The following FGD4 variants were observed in gnomAD, a reference collection of about 807,000 sequenced individuals.
FGD4 encodes FYVE, RhoGEF and PH domain containing 4, also known as FYVE, RhoGEF and PH domain-containing protein 4.
Under a neutral mutation model 102.0 loss-of-function variants are expected in FGD4, and 42 were observed. The ratio of observed to expected loss-of-function variants is 0.41; its 90% CI spans 0.32 to 0.53. The LOEUF is 0.53. Ranked by LOEUF, FGD4 falls within the 20% of genes least tolerant of loss-of-function variation. The pLI is 0.21. For missense variants in FGD4, 902 were observed against 1,078.2 expected (o/e 0.84, Z 2.29); for synonymous variants, 380 against 375.7 (o/e 1.01, Z -0.13).
chr12:32,501,981 C>T (rs1016173200), intron 1 of FGD4: 18 of 967,408 alleles, frequency 1.9e-5, no homozygotes, highest in Non-Finnish European at 2.2e-5. Context: ...CAAACACCTG[C>T]TAGGCAAGCC....
At chr12:32,490,950 G>A (rs758956212) in intron 1 of FGD4, among the ~76,000 whole-genome samples, 32 of 152,250 alleles carry the variant, frequency 2.1e-4, no homozygotes, top group South Asian at 1.7e-3. Flanking sequence ...TTCCACTGCA[G>A]TATCCGATAT....
At chr12:32,437,032 C>T (rs372429611) in intron 1 of FGD4, among the ~76,000 whole-genome samples, 2 of 150,624 alleles carry the variant, frequency 1.3e-5, no homozygotes, top group Admixed American at 6.7e-5. Context: ...TTGCTTGAAC[C>T]TGGGAGGTGA....
At chr12:32,453,199 A>T (rs1320417185) in intron 1 of FGD4, among the ~76,000 whole-genome samples, 7 of 61,152 alleles carry the variant, frequency 1.1e-4, no homozygotes, top group South Asian at 7.3e-4. Context: ...TTATATATAT[A>T]TTATATATAT....
chr12:32,601,051 A>G (rs1181038707), intron 5 of FGD4, among the ~76,000 whole-genome samples: 6 of 152,342 alleles, frequency 3.9e-5, no homozygotes, highest in Admixed American at 2.0e-4. Context: ...TAATATTCCT[A>G]TGGATAGGAG....
intron 1 of FGD4, among the ~76,000 whole-genome samples, chr12:32,488,338 G>C (rs1376108793): frequency 6.6e-6 from 1 of 152,116 alleles, no homozygotes; most frequent in African/African-American, 2.4e-5. Flanking sequence ...AAATTCTTAA[G>C]TGTGCCTTCT....
In FGD4 at chr12:32,506,593, T is replaced by G. The variant is rs1500875; in HGVS notation, c.167-57544T>G. ...ACGACCCGCACTTGCATACTTAATC[T>G]CCCTTTCTTCTGCTCCCTGCACCAA... On this transcript the variant is annotated intron_variant, in intron 1 of 16. Coordinates refer to ENST00000534526, the MANE Select transcript of FGD4 (RefSeq NM_001370298.3). The surrounding 1 kb of genome is among the most constrained non-coding windows in gnomAD (Gnocchi z 4.5). Among the ~76,000 whole-genome samples, 48,685 of 151,990 alleles carry G rather than the reference T, an allele frequency of 0.32. 8,159 individuals are homozygous for G. Among genetic ancestry groups the G allele is most frequent in the Middle Eastern group, 0.46 (134 of 294 alleles).
intron 1 of FGD4, among the ~76,000 whole-genome samples, chr12:32,435,399 G>A (rs1942194504): frequency 6.6e-6 from 1 of 151,934 alleles, no homozygotes; most frequent in African/African-American, 2.4e-5. Flanking sequence ...ATAATCAAAG[G>A]TCTCATTTCA....
At chr12:32,453,303 G>A (rs1942862390) in intron 1 of FGD4, among the ~76,000 whole-genome samples, 1 of 147,876 alleles carries the variant, frequency 6.8e-6, no homozygotes, top group Non-Finnish European at 1.5e-5. Context: ...GCACAGTCTT[G>A]GCTCACTGCA....
At chr12:32,638,925 A>G in intron 16 of FGD4, 130 bp downstream of exon 16, 2 of 1,521,574 alleles carry the variant, frequency 1.3e-6, no homozygotes, top group Non-Finnish European at 8.8e-7. Flanking sequence ...TTGAAAAATA[A>G]TGAGTAAAGT....
At chr12:32,479,041 TATTA>T (rs1943654845) in intron 1 of FGD4, among the ~76,000 whole-genome samples, 1 of 152,272 alleles carries the variant, frequency 6.6e-6, no homozygotes, top group Admixed American at 6.5e-5. Context: ...GCTAGATACT[TATTA>T]ATCTGTCAAG....
chr12:32,422,637 T>C (rs1228767742), intron 1 of FGD4, among the ~76,000 whole-genome samples: 2 of 152,132 alleles, frequency 1.3e-5, no homozygotes, highest in Non-Finnish European at 2.9e-5. Flanking sequence ...TTTTAAAATG[T>C]AGTTGCACAG....
intron 1 of FGD4, among the ~76,000 whole-genome samples, chr12:32,453,189 TTATATATATATTA>T (rs1385494202): frequency 1.1e-5 from 1 of 94,392 alleles, no homozygotes; most frequent in African/African-American, 3.4e-5. Context: ...TATATATATT[TTATATATATATTA>T]TATATATATA....
At chr12:32,576,149 C>A in intron 2 of FGD4, 117 bp from the exon 3 acceptor site, 1 of 1,044,554 alleles carries the variant, frequency 9.6e-7, no homozygotes, top group Non-Finnish European at 1.4e-6. Flanking sequence ...AATTTGACAC[C>A]TGCCCCCTTT....
intron 3 of FGD4, among the ~76,000 whole-genome samples, chr12:32,578,592 G>A (rs1422811281): frequency 6.6e-6 from 1 of 152,146 alleles, no homozygotes; most frequent in Non-Finnish European, 1.5e-5. Flanking sequence ...CACTTTGGGA[G>A]GCCACATTGG....
At chr12:32,414,501 G>A (rs73086040) in intron 1 of FGD4, among the ~76,000 whole-genome samples, 26,981 of 151,972 alleles carry the variant, frequency 0.18, 3,017 homozygotes, top group East Asian at 0.29. Flanking sequence ...TCACCCTGTT[G>A]TGCTATCAAG....
chr12:32,628,439 A>C (rs1238832281), intron 14 of FGD4, among the ~76,000 whole-genome samples: 2 of 152,094 alleles, frequency 1.3e-5, no homozygotes, highest in Admixed American at 1.3e-4. Flanking sequence ...CTAGAGTGAA[A>C]GGTCCAAAGG....
chr12:32,478,995 T>C (rs1013153237), intron 1 of FGD4, among the ~76,000 whole-genome samples: 1 of 152,218 alleles, frequency 6.6e-6, no homozygotes, highest in Non-Finnish European at 1.5e-5. Context: ...TACTTCTGTA[T>C]CTGCCCAACT....
At chr12:32,560,865 A>AT (rs965538106) in intron 1 of FGD4, among the ~76,000 whole-genome samples, 20 of 150,794 alleles carry the variant, frequency 1.3e-4, no homozygotes, top group Non-Finnish European at 1.3e-4. Context: ...GCTAATTTTT[A>AT]TTTTTTTTAA....
At chr12:32,598,675 A>C in intron 5 of FGD4, 89 bp downstream of exon 5, 1 of 1,099,814 alleles carries the variant, frequency 9.1e-7, no homozygotes, top group Admixed American at 1.8e-5. Context: ...AACTGCATGA[A>C]GGAAGGGCCT....
Sources: gnomAD v4.1 joint callset for allele counts (sites outside exome capture counted in the v4.1 genomes callset) on GRCh38, gnomAD v4.1.1 for gene constraint, Gnocchi (gnomAD v3.1) non-coding constraint, MANE v1.5 for transcripts, NCBI Gene and HGNC (gene_info 2026-07-23, HGNC 2026-07-21) for gene names.